The following SRBD1 variants were observed in gnomAD, a reference collection of about 807,000 sequenced individuals.
SRBD1 encodes S1 RNA binding domain 1.
A neutral mutation model predicts 115.3 loss-of-function variants in SRBD1; 88 were observed. That is an observed-to-expected ratio of 0.76 (90% CI 0.64 to 0.91). The LOEUF (loss-of-function observed/expected upper bound fraction) is 0.91, where lower values mean the gene tolerates loss of function less well. Among genes scored for constraint, SRBD1 ranks in the 40% least tolerant of loss-of-function variants. The pLI is 0.00. For missense variants in SRBD1, 1,385 were observed against 1,177.4 expected (o/e 1.18, Z -2.58); for synonymous variants, 509 against 407.7 (o/e 1.25, Z -2.99).
chr2:45,430,048 G>C (rs1668284186), intron 16 of SRBD1, among the ~76,000 whole-genome samples: 1 of 152,052 alleles, frequency 6.6e-6, no homozygotes, highest in Non-Finnish European at 1.5e-5. Context: ...TTGCTACAAA[G>C]AGATTAAAAT....
chr2:45,429,660 T>C (rs948225284), intron 16 of SRBD1, among the ~76,000 whole-genome samples: 4 of 152,222 alleles, frequency 2.6e-5, no homozygotes, highest in South Asian at 2.1e-4. Context: ...TAATAAGAGC[T>C]GTTTATGACA....
At chr2:45,413,810 T>C (rs1277229742) in intron 18 of SRBD1, among the ~76,000 whole-genome samples, 1 of 152,040 alleles carries the variant, frequency 6.6e-6, no homozygotes, top group Non-Finnish European at 1.5e-5. Context: ...TGCCTGCCTG[T>C]AGTCCCAGCT....
intron 4 of SRBD1, among the ~76,000 whole-genome samples, chr2:45,589,040 C>G (rs993249804): frequency 3.9e-5 from 6 of 152,202 alleles, no homozygotes; most frequent in African/African-American, 1.2e-4. Flanking sequence ...TTCCCTCCCC[C>G]CTCAAGCTCT....
At chr2:45,457,096 C>T (rs1035152831) in intron 16 of SRBD1, among the ~76,000 whole-genome samples, 2 of 151,720 alleles carry the variant, frequency 1.3e-5, no homozygotes, top group African/African-American at 4.8e-5. Context: ...AAAGTATTAT[C>T]AAATAGAAAA....
intron 9 of SRBD1, among the ~76,000 whole-genome samples, chr2:45,566,497 G>A (rs1401535645): frequency 6.6e-6 from 1 of 152,292 alleles, no homozygotes; most frequent in South Asian, 2.1e-4. Flanking sequence ...GAAATGACCA[G>A]AACAGACAAA....
chr2:45,516,284 G>C (rs1404299354), intron 14 of SRBD1, among the ~76,000 whole-genome samples: 1 of 152,122 alleles, frequency 6.6e-6, no homozygotes, highest in African/African-American at 2.4e-5. Flanking sequence ...TAAATATTAG[G>C]GATAAGCAGC....
chr2:45,574,788 A>C, intron 7 of SRBD1, 65 bp from the exon 8 acceptor site: 1 of 1,339,240 alleles, frequency 7.5e-7, no homozygotes, highest in South Asian at 1.3e-5. Context: ...AAATTCTATA[A>C]CTAAATCACA....
chr2:45,415,748 CGAGAGGAGAGGAGAGGAGAG>C (rs760776318), intron 18 of SRBD1, among the ~76,000 whole-genome samples: 583 of 4,782 alleles, frequency 0.12, 160 homozygotes, highest in Non-Finnish European at 0.17. Context: ...CGAGAGGAGA[CGAGAGGAGAGGAGAGGAGAG>C]GAGAGGAGAG....
intron 14 of SRBD1, among the ~76,000 whole-genome samples, chr2:45,538,365 A>G (rs1171157957): frequency 3.3e-5 from 5 of 152,162 alleles, no homozygotes; most frequent in Admixed American, 2.6e-4. Context: ...AGGGATCAGA[A>G]AATTCAGCTA....
intron 7 of SRBD1, among the ~76,000 whole-genome samples, chr2:45,576,915 CTT>C (rs1294515886): frequency 2.6e-5 from 4 of 152,196 alleles, no homozygotes; most frequent in African/African-American, 9.7e-5. Flanking sequence ...TAATTTGAAA[CTT>C]TATGTAATTA....
intron 14 of SRBD1, among the ~76,000 whole-genome samples, chr2:45,520,319 C>T (rs1195715542): frequency 6.6e-6 from 1 of 152,136 alleles, no homozygotes; most frequent in Non-Finnish European, 1.5e-5. Flanking sequence ...CAGAAGAGAC[C>T]CTCCTCCAAA....
intron 14 of SRBD1, among the ~76,000 whole-genome samples, chr2:45,519,646 T>C (rs1671221453): frequency 6.6e-6 from 1 of 152,208 alleles, no homozygotes; most frequent in Non-Finnish European, 1.5e-5. Context: ...AAAGAAAATT[T>C]TGTCCCTTCT....
chr2:45,426,459 G>A (rs1668158695), intron 16 of SRBD1, among the ~76,000 whole-genome samples: 1 of 152,344 alleles, frequency 6.6e-6, no homozygotes. Context: ...TGCTGGATCT[G>A]AAGAAAGCAG....
chr2:45,424,260 A>G (rs1015248616), intron 16 of SRBD1, among the ~76,000 whole-genome samples: 1 of 152,152 alleles, frequency 6.6e-6, no homozygotes, highest in Non-Finnish European at 1.5e-5. Flanking sequence ...ATGGTTCCCA[A>G]TGATCCTCAA....
At chr2:45,504,365 A>G (rs924118814) in intron 14 of SRBD1, among the ~76,000 whole-genome samples, 1 of 152,122 alleles carries the variant, frequency 6.6e-6, no homozygotes, top group African/African-American at 2.4e-5. Context: ...GCATTTTTTC[A>G]TCCAAATTCT....
At chr2:45,408,813 G>T (rs768887512) in intron 19 of SRBD1, among the ~76,000 whole-genome samples, 9 of 152,118 alleles carry the variant, frequency 5.9e-5, no homozygotes, top group Non-Finnish European at 4.4e-5. Context: ...CTTTTAATGA[G>T]AGGGGTATGC....
chr2:45,414,828 T>A (rs1474587698), intron 18 of SRBD1, among the ~76,000 whole-genome samples: 1 of 148,264 alleles, frequency 6.7e-6, no homozygotes, highest in Admixed American at 6.7e-5. Context: ...AGTGTGTATA[T>A]AGTATGTACA....
intron 16 of SRBD1, among the ~76,000 whole-genome samples, chr2:45,463,139 T>C (rs1669377034): frequency 4.0e-5 from 6 of 151,794 alleles, no homozygotes; most frequent in Admixed American, 3.9e-4. Context: ...GTCTATAGCA[T>C]AAGATAGATT....
chr2:45,578,509 C>T (rs945055990), intron 7 of SRBD1, among the ~76,000 whole-genome samples: 1 of 152,204 alleles, frequency 6.6e-6, no homozygotes, highest in African/African-American at 2.4e-5. Context: ...TTTACAGACA[C>T]ACCCACTCAG....
Sources: allele counts gnomAD v4.1 joint callset (sites outside exome capture counted in the v4.1 genomes callset), GRCh38; gene constraint gnomAD v4.1.1; transcripts MANE v1.5; gene names NCBI Gene and HGNC (gene_info 2026-07-23, HGNC 2026-07-21).